Variants in STON1 observed in about 807,000 individuals in gnomAD.
STON1 encodes the protein stonin-1.
Under a neutral mutation model 60.9 loss-of-function variants are expected in STON1, and 79 were observed. The observed-to-expected ratio is 1.30, with a 90% CI of 1.08 to 1.56. The LOEUF (loss-of-function observed/expected upper bound fraction) is 1.56, where lower values mean the gene tolerates loss of function less well. Ranked by LOEUF, STON1 falls within the 40% of genes most tolerant of loss-of-function variation. The pLI, the probability that STON1 is intolerant of heterozygous loss-of-function variation, is 0.00. For synonymous variants in STON1, 363 were observed against 306.9 expected, an observed-to-expected ratio of 1.18 and a Z score of -1.91; for missense variants, 1,166 against 858.9, an observed-to-expected ratio of 1.36 and a Z score of -4.47.
At position 48,594,566 on chromosome 2, in the gene STON1, A is replaced by G. The variant is rs550117697; in HGVS notation, c.2134-662A>G. On this transcript the variant is annotated intron_variant, in intron 3 of 3. Coordinates refer to ENST00000404752, the MANE Select transcript of STON1 (RefSeq NM_006873.4). ...GTAAACGAAAAATAGTTAGTAGATA[A>G]ATAAATAAATAAATATGATTTCAAC... Among the ~76,000 whole-genome samples, 143 of 152,246 alleles carry G rather than the reference A, an allele frequency of 9.4e-4. 1 individual carries two copies. The highest frequency in any genetic ancestry group is 3.4e-3 in the African/African-American group (141 of 41,552).
At chr2:48,554,686 T>C (rs1437476874) in intron 1 of STON1, among the ~76,000 whole-genome samples, 1 of 151,802 alleles carries the variant, frequency 6.6e-6, no homozygotes, top group African/African-American at 2.4e-5. Flanking sequence ...TATGCGTTTC[T>C]ACTCAAACTT....
intron 3 of STON1, among the ~76,000 whole-genome samples, chr2:48,594,663 G>A (rs1032493030): frequency 6.6e-6 from 1 of 152,148 alleles, no homozygotes; most frequent in Non-Finnish European, 1.5e-5. Context: ...TTTATCAGGG[G>A]TAGTCCTGGA....
intron 2 of STON1, among the ~76,000 whole-genome samples, chr2:48,589,103 C>A (rs190477510): frequency 2.2e-4 from 34 of 151,972 alleles, no homozygotes; most frequent in African/African-American, 7.7e-4. Context: ...AATATATCTA[C>A]CTCTAACTTC....
intron 1 of STON1, among the ~76,000 whole-genome samples, chr2:48,532,114 G>A (rs563009517): frequency 5.3e-5 from 8 of 151,972 alleles, no homozygotes; most frequent in Non-Finnish European, 1.2e-4. Flanking sequence ...TTGGGAGGCC[G>A]GGGCGGGCAG....
intron 1 of STON1, among the ~76,000 whole-genome samples, chr2:48,555,292 G>C (rs1346449008): frequency 1.2e-5 from 1 of 86,468 alleles, no homozygotes; most frequent in African/African-American, 4.4e-5. Flanking sequence ...CTCACCTCCC[G>C]GACGGGGCGG....
intron 1 of STON1, among the ~76,000 whole-genome samples, chr2:48,575,948 G>A (rs1673468187): frequency 1.3e-5 from 2 of 151,198 alleles, no homozygotes; most frequent in Non-Finnish European, 2.9e-5. Flanking sequence ...AGTAGAGACA[G>A]GGTTTCACCA....
chr2:48,592,533 G>A (rs2103961579), intron 3 of STON1, among the ~76,000 whole-genome samples: 1 of 151,134 alleles, frequency 6.6e-6, no homozygotes, highest in African/African-American at 2.4e-5. Context: ...CTGGGTCCAA[G>A]CGATTCTCCT....
chr2:48,563,900 A>G (rs925901993), intron 1 of STON1, among the ~76,000 whole-genome samples: 13 of 150,562 alleles, frequency 8.6e-5, no homozygotes, highest in Non-Finnish European at 1.6e-4. Context: ...AGGTCTCACT[A>G]TGTTGCCCAG....
At chr2:48,533,951 T>G (rs1035425095) in intron 1 of STON1, among the ~76,000 whole-genome samples, 3 of 151,920 alleles carry the variant, frequency 2.0e-5, no homozygotes, top group African/African-American at 7.3e-5. Context: ...GTATTTTTAG[T>G]AGAGATGGGG....
chr2:48,551,449 T>A (rs567123763), intron 1 of STON1, among the ~76,000 whole-genome samples: 19 of 152,204 alleles, frequency 1.2e-4, no homozygotes, highest in Non-Finnish European at 2.4e-4. Flanking sequence ...ACCCTGCCCC[T>A]GCCCCTGGCC....
At chr2:48,536,478 G>A (rs550754983) in intron 1 of STON1, among the ~76,000 whole-genome samples, 1 of 151,152 alleles carries the variant, frequency 6.6e-6, no homozygotes, top group Non-Finnish European at 1.5e-5. Context: ...AACCTGGGAG[G>A]CGGAGGTTGC....
intron 1 of STON1, among the ~76,000 whole-genome samples, chr2:48,578,217 T>G (rs1181245566): frequency 6.6e-6 from 1 of 152,154 alleles, no homozygotes; most frequent in Non-Finnish European, 1.5e-5. Flanking sequence ...CCTCAGGTGA[T>G]CCACCCACCT....
intron 2 of STON1, among the ~76,000 whole-genome samples, chr2:48,583,016 G>C (rs1022660458): frequency 6.6e-6 from 1 of 152,182 alleles, no homozygotes; most frequent in African/African-American, 2.4e-5. Context: ...CCTGCTCTTT[G>C]AAATAAGACT....
chr2:48,563,340 G>T (rs1001327921), intron 1 of STON1, among the ~76,000 whole-genome samples: 2 of 152,224 alleles, frequency 1.3e-5, no homozygotes, highest in South Asian at 2.1e-4. Context: ...AAGGTCAAAA[G>T]CAAGAGCTCA....
At chr2:48,591,556 T>C (rs892557033) in intron 2 of STON1, 97 bp from the exon 3 acceptor site, 1 of 1,495,588 alleles carries the variant, frequency 6.7e-7, no homozygotes, top group Non-Finnish European at 9.0e-7. Context: ...GCTAATGAAA[T>C]TCCTTATTAA....
chr2:48,560,784 C>T (rs868345444), intron 1 of STON1, among the ~76,000 whole-genome samples: 1 of 152,162 alleles, frequency 6.6e-6, no homozygotes, highest in African/African-American at 2.4e-5. Context: ...GCCTCTACCC[C>T]AGGCCCCAGC....
intron 3 of STON1, among the ~76,000 whole-genome samples, chr2:48,592,335 G>C (rs1246296588): frequency 1.3e-5 from 2 of 151,838 alleles, no homozygotes; most frequent in East Asian, 3.9e-4. Context: ...TCTTGTCTTT[G>C]TGGGTATGTG....
intron 1 of STON1, among the ~76,000 whole-genome samples, chr2:48,567,304 C>G (rs1368778388): frequency 6.6e-6 from 1 of 152,166 alleles, no homozygotes; most frequent in African/African-American, 2.4e-5. Flanking sequence ...GAAGGTGAGG[C>G]TTTTTGATTT....
chr2:48,574,325 G>A (rs1008211911), intron 1 of STON1, among the ~76,000 whole-genome samples: 2 of 151,226 alleles, frequency 1.3e-5, no homozygotes, highest in Admixed American at 1.3e-4. Context: ...GCAGTGAGTC[G>A]AGATCGTGCC....
Sources: gnomAD v4.1 joint callset for allele counts (sites outside exome capture counted in the v4.1 genomes callset) on GRCh38, gnomAD v4.1.1 for gene constraint, MANE v1.5 for transcripts, NCBI Gene and HGNC (gene_info 2026-07-23, HGNC 2026-07-21) for gene names.